SLC9A8: variants seen among roughly 807,000 people sequenced by gnomAD.
The protein encoded by SLC9A8 is sodium/hydrogen exchanger 8.
SLC9A8 carries 48 observed loss-of-function variants against 66.6 expected under a neutral mutation model. That is an observed-to-expected ratio of 0.72 (90% CI 0.57 to 0.92). The LOEUF is 0.92. Among genes scored for constraint, SLC9A8 ranks in the 40% least tolerant of loss-of-function variants. The pLI is 0.00. For missense variants in SLC9A8, 599 were observed against 747.3 expected, an observed-to-expected ratio of 0.80 and a Z score of 2.31; for synonymous variants, 274 against 282.6, an observed-to-expected ratio of 0.97 and a Z score of 0.31.
intron 3 of SLC9A8, among the ~76,000 whole-genome samples, chr20:49,833,797 A>G (rs963395106): frequency 1.3e-5 from 2 of 152,238 alleles, no homozygotes; most frequent in African/African-American, 4.8e-5. Flanking sequence ...AGCTCAACAA[A>G]TAATCATTAA....
At chr20:49,849,353 C>G (rs908565936) in intron 5 of SLC9A8, among the ~76,000 whole-genome samples, 1 of 151,408 alleles carries the variant, frequency 6.6e-6, no homozygotes, top group South Asian at 2.1e-4. Context: ...GAGACTTGTG[C>G]GAAGCTATGC....
intron 4 of SLC9A8, among the ~76,000 whole-genome samples, chr20:49,843,781 G>T (rs1046802736): frequency 6.6e-6 from 1 of 152,138 alleles, no homozygotes; most frequent in Non-Finnish European, 1.5e-5. Flanking sequence ...TTGGGCATTT[G>T]TCTCCCCAAA....
intron 3 of SLC9A8, among the ~76,000 whole-genome samples, chr20:49,835,078 C>G (rs777215350): frequency 6.6e-6 from 1 of 152,118 alleles, no homozygotes; most frequent in Non-Finnish European, 1.5e-5. Flanking sequence ...AAGTGTAAGT[C>G]GGTACAACCA....
chr20:49,884,273 C>A (rs1304936280), intron 14 of SLC9A8: 1 of 208,048 alleles, frequency 4.8e-6, no homozygotes, highest in Non-Finnish European at 8.9e-6. Flanking sequence ...CACACACACA[C>A]GACACACACA....
chr20:49,827,682 A>G (rs2086968769), intron 3 of SLC9A8, among the ~76,000 whole-genome samples: 1 of 152,064 alleles, frequency 6.6e-6, no homozygotes, highest in African/African-American at 2.4e-5. Context: ...AATACCAAAG[A>G]CAGGAGTTTC....
chr20:49,864,602 C>T, intron 9 of SLC9A8, 137 bp from the exon 10 acceptor site: 1 of 612,210 alleles, frequency 1.6e-6, no homozygotes, highest in Non-Finnish European at 2.9e-6. Context: ...TGACAAATTT[C>T]CATTTGTAAC....
rs1270611078 is a variant in SLC9A8 at position 49,878,121 on chromosome 20, C to T, written c.1158+58C>T. 1.2e-5 allele frequency: 12 copies of T among 1,030,068 alleles called. No homozygotes were observed. The East Asian group carries it at 2.9e-4, about 25-fold the overall frequency. 63.8% of individuals were successfully genotyped at this position (1,030,068 alleles called of 1,614,324 possible). Reference sequence around the variant, plus strand: ...TTACTTATTTGTAGATCAATAAACACATGTTCCGGATTCATTTATGTAACT... The same window carrying T: ...TTACTTATTTGTAGATCAATAAACATATGTTCCGGATTCATTTATGTAACT... On this transcript the variant is annotated intron_variant, in intron 12 of 15. Transcript: ENST00000361573.
chr20:49,883,812 A>G (rs371781609), intron 13 of SLC9A8, 34 bp from the exon 14 acceptor site: 2 of 1,559,464 alleles, frequency 1.3e-6, no homozygotes, highest in African/African-American at 1.3e-5. Context: ...CTGCCTCTTC[A>G]CTGTGTCCTC....
intron 9 of SLC9A8, 88 bp from the exon 10 acceptor site, chr20:49,864,651 A>G (rs1180207728): frequency 3.5e-6 from 3 of 846,880 alleles, no homozygotes; most frequent in Non-Finnish European, 6.1e-6. Flanking sequence ...TGTTTACTTC[A>G]TATATTTGGA....
At chr20:49,838,331 G>T (rs2087626133) in intron 3 of SLC9A8, among the ~76,000 whole-genome samples, 1 of 152,134 alleles carries the variant, frequency 6.6e-6, no homozygotes, top group African/African-American at 2.4e-5. Flanking sequence ...GAAAAAATAA[G>T]AACATGGGAG....
chr20:49,865,879 C>A (rs756763964), intron 10 of SLC9A8, among the ~76,000 whole-genome samples: 1 of 152,222 alleles, frequency 6.6e-6, no homozygotes, highest in Non-Finnish European at 1.5e-5. Context: ...CCTTCAGAGG[C>A]CTTGTTCTGG....
chr20:49,834,352 A>G lies in SLC9A8; in HGVS notation c.290-5189A>G, dbSNP rs1383836340. The stretch of plus-strand genomic sequence containing the variant: ...TACTGTGTATATATATATATACTGT[A>G]TATATATATATACTGTGTATATATA... On this transcript the variant is annotated intron_variant, in intron 3 of 15. Coordinates refer to ENST00000361573, the MANE Select transcript of SLC9A8 (RefSeq NM_015266.3). Among the ~76,000 whole-genome samples the G allele has an allele frequency of 5.4e-3, 403 of 75,102 alleles. 20 individuals are homozygous for G. Among genetic ancestry groups the G allele is most frequent in the African/African-American group, 0.015 (263 of 17,626 alleles). 49.3% of individuals were successfully genotyped at this position (75,102 alleles called of 152,430 possible).
intron 10 of SLC9A8, among the ~76,000 whole-genome samples, chr20:49,869,100 G>A (rs1489591358): frequency 5.9e-5 from 9 of 152,206 alleles, no homozygotes; most frequent in Non-Finnish European, 5.9e-5. Context: ...AGCAGTTAGC[G>A]AACACTGGGC....
At chr20:49,838,559 T>C (rs2087634628) in intron 3 of SLC9A8, among the ~76,000 whole-genome samples, 1 of 152,252 alleles carries the variant, frequency 6.6e-6, no homozygotes, top group South Asian at 2.1e-4. Context: ...CCTCTTCACC[T>C]GAAACTACCC....
intron 3 of SLC9A8, among the ~76,000 whole-genome samples, chr20:49,825,383 G>A (rs752847152): frequency 6.6e-6 from 1 of 152,212 alleles, no homozygotes; most frequent in African/African-American, 2.4e-5. Context: ...GCTTATGCCT[G>A]TAATTCTAGC....
chr20:49,820,235 T>C (rs1276313832), intron 2 of SLC9A8, among the ~76,000 whole-genome samples: 1 of 152,124 alleles, frequency 6.6e-6, no homozygotes, highest in Admixed American at 6.5e-5. Flanking sequence ...ATACCTGCAA[T>C]CTCAGCACTT....
chr20:49,866,111 A>C (rs2088954131), intron 10 of SLC9A8, among the ~76,000 whole-genome samples: 1 of 152,182 alleles, frequency 6.6e-6, no homozygotes. Context: ...GCCCTTCTGC[A>C]GTCAGTCCAC....
rs372415486 is a variant in SLC9A8 at position 49,864,707 on chromosome 20, T to A, written c.853-32T>A. 7.1e-5 allele frequency: 107 copies of A among 1,517,682 alleles called. 1 individual carries two copies. In the African/African-American group the frequency reaches 1.2e-3, roughly 17 times the overall value. 94.0% of individuals were successfully genotyped at this position (1,517,682 alleles called of 1,614,324 possible). On this transcript the variant is annotated intron_variant, in intron 9 of 15. Transcript: ENST00000361573. The stretch of plus-strand genomic sequence containing the variant: ...CTCCACATCTCCCATCAACTCTCCC[T>A]CGATTCTCCTTCCTTGACAGTTGTC...
intron 10 of SLC9A8, among the ~76,000 whole-genome samples, chr20:49,870,619 G>A (rs904730464): frequency 6.6e-6 from 1 of 152,158 alleles, no homozygotes; most frequent in African/African-American, 2.4e-5. Context: ...AAGAGAGTTG[G>A]AAGCCCTTGA....
Sources: gnomAD v4.1 joint callset for allele counts (sites outside exome capture counted in the v4.1 genomes callset) on GRCh38, gnomAD v4.1.1 for gene constraint, MANE v1.5 for transcripts, NCBI Gene and HGNC (gene_info 2026-07-23, HGNC 2026-07-21) for gene names.